The following GCLC variants were observed in gnomAD, a reference collection of about 807,000 sequenced individuals.
GCLC encodes the protein glutamate--cysteine ligase catalytic subunit.
A neutral mutation model predicts 81.5 loss-of-function variants in GCLC; 30 were observed. The ratio of observed to expected loss-of-function variants is 0.37; its 90% CI spans 0.28 to 0.50. The LOEUF (loss-of-function observed/expected upper bound fraction) is 0.50. GCLC is among the 20% of genes least tolerant of loss of function. The probability of loss-of-function intolerance (pLI) is 0.96; values close to 1 mark genes in which losing one functional copy is unlikely to be tolerated. For synonymous variants in GCLC, 262 were observed against 273.3 expected (o/e 0.96, Z 0.41); for missense variants, 556 against 777.4 (o/e 0.72, Z 3.39).
chr6:53,502,188 A>G (rs1339543197), intron 12 of GCLC, among the ~76,000 whole-genome samples: 1 of 152,210 alleles, frequency 6.6e-6, no homozygotes, highest in Non-Finnish European at 1.5e-5. Flanking sequence ...GTGGTATGAG[A>G]TACGTAATAT....
At chr6:53,521,633 T>C (rs1762997743) in intron 2 of GCLC, among the ~76,000 whole-genome samples, 1 of 152,010 alleles carries the variant, frequency 6.6e-6, no homozygotes, top group Non-Finnish European at 1.5e-5. Flanking sequence ...GGAGTATATA[T>C]TCCCCTCCCC....
Position 53,536,222 on chromosome 6 carries a change from T to C in GCLC, c.150+8274A>G, listed in dbSNP as rs141978986. On this transcript the variant is annotated intron_variant, in intron 1 of 15. Transcript: ENST00000650454. ...GATTTCCTAGGTATATGAAACTAGA[T>C]ATCAAATGCAAACTATGATTTCTTA... 5.8e-4 allele frequency among the ~76,000 whole-genome samples: 88 copies of C among 152,316 alleles called. No individual in the cohort carries two copies. The Middle Eastern group carries it at 0.027, about 47-fold the overall frequency.
At chr6:53,541,338 G>C (rs995026626) in intron 1 of GCLC, among the ~76,000 whole-genome samples, 1 of 152,198 alleles carries the variant, frequency 6.6e-6, no homozygotes, top group Non-Finnish European at 1.5e-5. Flanking sequence ...GAAGTGCCAT[G>C]GCAGGAGGAA....
At position 53,508,693 on chromosome 6, in the gene GCLC, A is replaced by G; in HGVS notation, c.847T>C (p.Ser283Pro). ...GACACATAGCCTCGGTAAAAGGGAGATGCAGCACTCAAAGCCATCTAAAAA... is the reference window on the plus strand; with the variant it reads ...GACACATAGCCTCGGTAAAAGGGAGGTGCAGCACTCAAAGCCATCTAAAAA... ...CPIVMALSAASPFYRGYVSDI... is the reference protein window; with the variant it reads ...CPIVMALSAAPPFYRGYVSDI... Residue 283 changes from serine (S) to proline (P), a missense_variant, in exon 8 of 16, where the codon TCT becomes CCT. Coordinates refer to ENST00000650454, the MANE Select transcript of GCLC (RefSeq NM_001498.4). The G allele has an allele frequency of 6.2e-7, 1 of 1,612,554 alleles. No individual in the cohort carries two copies. Among genetic ancestry groups the G allele is most frequent in the Non-Finnish European group, 8.5e-7 (1 of 1,178,548 alleles).
chr6:53,500,359 G>C lies in GCLC; in HGVS notation c.1478-9C>G. On this transcript the variant is annotated splice_polypyrimidine_tract_variant and intron_variant, in intron 13 of 15. Coordinates refer to ENST00000650454, the MANE Select transcript of GCLC (RefSeq NM_001498.4). ...CACCACTGCATTGCCACCTGCCGGA[G>C]AAGAGGGTCAGGGGAGCTTTAGCAG... 2 of 1,613,628 alleles carry C rather than the reference G, an allele frequency of 1.2e-6. No individual in the cohort carries two copies. The highest frequency in any genetic ancestry group is 2.7e-5 in the African/African-American group (2 of 75,048).
chr6:53,537,520 A>G (rs1763276029), intron 1 of GCLC, among the ~76,000 whole-genome samples: 1 of 152,094 alleles, frequency 6.6e-6, no homozygotes, highest in Non-Finnish European at 1.5e-5. Context: ...AATACGATCT[A>G]AACAGCTTGA....
At chr6:53,531,511 T>TC (rs1235357357) in intron 1 of GCLC, among the ~76,000 whole-genome samples, 1 of 152,130 alleles carries the variant, frequency 6.6e-6, no homozygotes, top group Non-Finnish European at 1.5e-5. Context: ...CCAACATCCC[T>TC]CCTAAAGAGC....
At chr6:53,541,885 AG>A (rs1214793346) in intron 1 of GCLC, among the ~76,000 whole-genome samples, 6 of 152,040 alleles carry the variant, frequency 3.9e-5, no homozygotes, top group Non-Finnish European at 8.8e-5. Context: ...TTTTTGGGGT[AG>A]GGGGCTAGGG....
At position 53,497,344 on chromosome 6, in the gene GCLC, C is replaced by T. The variant is rs1232692129; in HGVS notation, c.*1412G>A. On this transcript the variant is annotated 3_prime_UTR_variant, in exon 16 of 16. Transcript: ENST00000650454. The stretch of plus-strand genomic sequence containing the variant: ...GGAACTCACACACACTCAAAGGTTT[C>T]TGAATGAAAGCTAATTCCATTCTTT... The T allele has an allele frequency of 6.6e-6, 1 of 152,244 alleles. No homozygotes were observed. The highest frequency in any genetic ancestry group is 1.5e-5 in the Non-Finnish European group (1 of 68,044). 9.4% of individuals were successfully genotyped at this position (152,244 alleles called of 1,614,324 possible).
chr6:53,526,269 G>A (rs1460569486), intron 1 of GCLC, among the ~76,000 whole-genome samples: 1 of 152,096 alleles, frequency 6.6e-6, no homozygotes, highest in African/African-American at 2.4e-5. Context: ...TCTGAAATTA[G>A]GCCAACAAAA....
chr6:53,507,999 A>G (rs1764649715), intron 8 of GCLC, among the ~76,000 whole-genome samples: 2 of 152,226 alleles, frequency 1.3e-5, no homozygotes, highest in South Asian at 4.1e-4. Flanking sequence ...GAACAATTAC[A>G]TGAAGACCAG....
intron 6 of GCLC, among the ~76,000 whole-genome samples, chr6:53,512,352 T>G (rs1049795797): frequency 3.9e-5 from 6 of 152,114 alleles, no homozygotes; most frequent in African/African-American, 1.2e-4. Context: ...CCATTAGCCT[T>G]ACAAAATTAC....
chr6:53,529,224 CATT>C, intron 1 of GCLC, among the ~76,000 whole-genome samples: 1 of 152,314 alleles, frequency 6.6e-6, no homozygotes, highest in South Asian at 2.1e-4. Flanking sequence ...CACACTAATT[CATT>C]ATTGTTGGCA....
intron 1 of GCLC, among the ~76,000 whole-genome samples, chr6:53,531,264 A>G (rs114440506): frequency 0.013 from 1,981 of 152,302 alleles, 38 homozygotes; most frequent in African/African-American, 0.045. Flanking sequence ...TGTGATCAAC[A>G]TAACAAAAAA....
intron 1 of GCLC, among the ~76,000 whole-genome samples, chr6:53,541,120 G>C (rs558912520): frequency 6.6e-6 from 1 of 152,300 alleles, no homozygotes; most frequent in South Asian, 2.1e-4. Flanking sequence ...GGAGGCTGAG[G>C]CAGGAGAATC....
Position 53,521,214 on chromosome 6 carries a change from G to C in GCLC, c.264-254C>G, listed in dbSNP as rs558947773. Among the ~76,000 whole-genome samples, 22 of 152,256 alleles carry C rather than the reference G, an allele frequency of 1.4e-4. No individual in the cohort carries two copies. In the East Asian group the frequency reaches 3.5e-3, roughly 24 times the overall value. On this transcript the variant is annotated intron_variant, in intron 2 of 15. Transcript: ENST00000650454. ...CTGTCACCCAGGCTGGAGTGCAATG[G>C]CACGATCTTGGCTTACTGCAACCTC...
chr6:53,540,328 AG>A (rs59167354), intron 1 of GCLC, among the ~76,000 whole-genome samples: 6,022 of 148,592 alleles, frequency 0.041, 485 homozygotes, highest in African/African-American at 0.14. Flanking sequence ...GCCTCAAAAA[AG>A]AAAAAAAAAA....
intron 1 of GCLC, chr6:53,524,049 C>T (rs1031689448): frequency 1.3e-5 from 2 of 152,206 alleles, no homozygotes; most frequent in African/African-American, 4.8e-5. Context: ...GACTCCGGAA[C>T]AGCTAAAACC....
intron 1 of GCLC, among the ~76,000 whole-genome samples, chr6:53,532,354 G>C (rs564413402): frequency 6.6e-6 from 1 of 152,176 alleles, no homozygotes; most frequent in Non-Finnish European, 1.5e-5. Flanking sequence ...CTAAATGACC[G>C]AGTCTGCAGG....
Sources: allele counts gnomAD v4.1 joint callset (sites outside exome capture counted in the v4.1 genomes callset), GRCh38; gene constraint gnomAD v4.1.1; transcripts MANE v1.5; gene names NCBI Gene and HGNC (gene_info 2026-07-23, HGNC 2026-07-21).